CAMTA1: variants seen among roughly 807,000 people sequenced by gnomAD.
CAMTA1 encodes the protein calmodulin binding transcription activator 1.
In CAMTA1, 27 loss-of-function variants were observed where a neutral mutation model predicts 170.9. The observed-to-expected ratio is 0.16, with a 90% CI of 0.12 to 0.22. The LOEUF (loss-of-function observed/expected upper bound fraction) is 0.22, where lower values mean the gene tolerates loss of function less well. Ranked by LOEUF, CAMTA1 falls within the 10% of genes least tolerant of loss-of-function variation. The pLI is 1.00. For missense variants in CAMTA1, 1,619 were observed against 2,217.2 expected (o/e 0.73, Z 5.42); for synonymous variants, 833 against 891.5 (o/e 0.93, Z 1.17).
At chr1:7,594,378 A>G (rs1162053941) in intron 6 of CAMTA1, among the ~76,000 whole-genome samples, 3 of 152,168 alleles carry the variant, frequency 2.0e-5, no homozygotes, top group Non-Finnish European at 4.4e-5. Context: ...GGAAGGAAAA[A>G]GAAAGGAAAC....
intron 11 of CAMTA1, among the ~76,000 whole-genome samples, chr1:7,704,153 T>C (rs2096476335): frequency 1.3e-5 from 2 of 150,324 alleles, no homozygotes; most frequent in African/African-American, 2.4e-5. Context: ...CCGGCTGCAT[T>C]GCAGACGCCG....
At chr1:7,019,468 T>C (rs936759051) in intron 3 of CAMTA1, among the ~76,000 whole-genome samples, 1 of 152,104 alleles carries the variant, frequency 6.6e-6, no homozygotes, top group Non-Finnish European at 1.5e-5. Flanking sequence ...CAGCTCCTGG[T>C]GGTGGGGCAG....
intron 19 of CAMTA1, 96 bp from the exon 20 acceptor site, chr1:7,751,102 AG>A: frequency 1.0e-6 from 1 of 987,342 alleles, no homozygotes; most frequent in Non-Finnish European, 1.6e-6. Context: ...AGAGGGGAAA[AG>A]CATTTTCTCT....
chr1:7,131,910 G>C (rs1183271041), intron 4 of CAMTA1, among the ~76,000 whole-genome samples: 1 of 151,992 alleles, frequency 6.6e-6, no homozygotes, highest in East Asian at 1.9e-4. Context: ...ACAAAAATTA[G>C]CCGGCATGGT....
At chr1:7,103,832 AACTAC>A (rs757909141) in intron 4 of CAMTA1, among the ~76,000 whole-genome samples, 21 of 136,798 alleles carry the variant, frequency 1.5e-4, no homozygotes, top group Middle Eastern at 3.7e-3. Flanking sequence ...ATGCACACAC[AACTAC>A]ACACATGTAC....
intron 11 of CAMTA1, among the ~76,000 whole-genome samples, chr1:7,727,315 G>A (rs1035043065): frequency 6.6e-6 from 1 of 151,986 alleles, no homozygotes; most frequent in Admixed American, 6.5e-5. Flanking sequence ...GTAGAGACGG[G>A]GTTTCACCGT....
chr1:7,003,716 A>G lies in CAMTA1; in HGVS notation c.235-87588A>G, dbSNP rs186276739. ...CACAGAGGTACTTTGTTCAGAAGTT[A>G]TTGTTTCCATTAGAAAGAGTAATGA... On this transcript the variant is annotated intron_variant, in intron 3 of 22. Transcript: ENST00000303635. 1.2e-4 allele frequency among the ~76,000 whole-genome samples: 19 copies of G among 152,354 alleles called. 1 individual carries two copies. The East Asian group carries it at 3.1e-3, about 25-fold the overall frequency.
intron 4 of CAMTA1, among the ~76,000 whole-genome samples, chr1:7,153,410 C>G (rs1245108298): frequency 1.3e-5 from 2 of 152,104 alleles, no homozygotes; most frequent in African/African-American, 4.8e-5. Context: ...TTCTCATTTG[C>G]AAGCGTTATT....
intron 5 of CAMTA1, among the ~76,000 whole-genome samples, chr1:7,295,487 G>T (rs1273225778): frequency 6.6e-6 from 1 of 152,188 alleles, no homozygotes; most frequent in Non-Finnish European, 1.5e-5. Flanking sequence ...ACCTGGTAAG[G>T]GTTTGAGTAA....
At chr1:7,250,177 C>T (rs981159659) in intron 5 of CAMTA1, among the ~76,000 whole-genome samples, 2 of 152,136 alleles carry the variant, frequency 1.3e-5, no homozygotes, top group African/African-American at 4.8e-5. Flanking sequence ...GATCTTGGGC[C>T]GACTTCGGGT....
intron 15 of CAMTA1, 44 bp downstream of exon 15, chr1:7,737,614 C>T: frequency 1.3e-6 from 2 of 1,531,810 alleles, no homozygotes; most frequent in Non-Finnish European, 1.8e-6. Context: ...GACAGAGATC[C>T]CGTTTGCTTT....
At position 6,982,122 on chromosome 1, in the gene CAMTA1, C is replaced by T. The variant is rs181297394; in HGVS notation, c.235-109182C>T. ...TGGATGGCTGCACAGTGTTAGGAAG[C>T]GGGCCTTCTTGACTCTCAGCCTGGT... On this transcript the variant is annotated intron_variant, in intron 3 of 22. Transcript: ENST00000303635. 1.3e-3 allele frequency among the ~76,000 whole-genome samples: 199 copies of T among 152,284 alleles called. 2 individuals carry two copies. The highest frequency in any genetic ancestry group is 2.3e-3 in the Non-Finnish European group (155 of 68,014).
chr1:7,642,873 C>T lies in CAMTA1; in HGVS notation c.664+2320C>T, dbSNP rs1018356145. On this transcript the variant is annotated intron_variant, in intron 7 of 22. Transcript: ENST00000303635. This position sits in a 1 kb window ranked among gnomAD's most constrained non-coding sequence, Gnocchi z 6.3. The stretch of plus-strand genomic sequence containing the variant: ...GGGGCCCGGCTCAGCTCCTCCACCC[C>T]TGCACACCATGTCCAAGGGGCTGAG... 6.6e-6 allele frequency among the ~76,000 whole-genome samples: 1 copy of T among 152,308 alleles called. No homozygotes were observed. Among genetic ancestry groups the T allele is most frequent in the Admixed American group, 6.5e-5 (1 of 15,308 alleles).
chr1:7,647,795 C>A (rs2095819690), intron 7 of CAMTA1, among the ~76,000 whole-genome samples: 1 of 152,192 alleles, frequency 6.6e-6, no homozygotes, highest in Non-Finnish European at 1.5e-5. Context: ...CAGCAGCCAG[C>A]CTAAAAGTCC....
rs76278797 is a variant in CAMTA1, at chr1:6,914,158, G to A, written c.234+88948G>A. On this transcript the variant is annotated intron_variant, in intron 3 of 22. Coordinates refer to ENST00000303635, the MANE Select transcript of CAMTA1 (RefSeq NM_015215.4). The stretch of plus-strand genomic sequence containing the variant: ...TTGCTCTTTTTGCCCAGGCTGGAGT[G>A]CAACGGCGTGATCTCGGCTCACTGC... Among the ~76,000 whole-genome samples the A allele has an allele frequency of 2.7e-3, 384 of 144,234 alleles. 1 individual carries two copies. The highest frequency in any genetic ancestry group is 9.5e-3 in the African/African-American group (371 of 38,972). 94.6% of individuals were successfully genotyped at this position (144,234 alleles called of 152,430 possible).
intron 3 of CAMTA1, among the ~76,000 whole-genome samples, chr1:6,854,748 T>G (rs1438444369): frequency 6.6e-6 from 1 of 152,064 alleles, no homozygotes; most frequent in Non-Finnish European, 1.5e-5. Context: ...ATTAATAGAG[T>G]AGAGCAGAAA....
At chr1:6,974,382 G>A (rs1443453963) in intron 3 of CAMTA1, among the ~76,000 whole-genome samples, 1 of 152,224 alleles carries the variant, frequency 6.6e-6, no homozygotes, top group Non-Finnish European at 1.5e-5. Context: ...ACCAACTGGA[G>A]GGTCTCTAGC....
At chr1:7,744,128 CTT>C (rs60348958) in intron 16 of CAMTA1, among the ~76,000 whole-genome samples, 393 of 84,130 alleles carry the variant, frequency 4.7e-3, no homozygotes, top group African/African-American at 9.8e-3. Flanking sequence ...CGCCTGGCCT[CTT>C]TTTTTTTTTT....
intron 5 of CAMTA1, among the ~76,000 whole-genome samples, chr1:7,385,092 A>ATG (rs1553152753): frequency 2.9e-5 from 4 of 140,220 alleles, no homozygotes; most frequent in African/African-American, 1.1e-4. Flanking sequence ...CCTGTTCACT[A>ATG]TTTTTTTTTT....
Sources: allele counts gnomAD v4.1 joint callset (sites outside exome capture counted in the v4.1 genomes callset), GRCh38; gene constraint gnomAD v4.1.1; non-coding constraint Gnocchi (gnomAD v3.1); transcripts MANE v1.5; gene names NCBI Gene and HGNC (gene_info 2026-07-23, HGNC 2026-07-21).